CYP2U1: variants seen among roughly 807,000 people sequenced by gnomAD.
CYP2U1 encodes the protein cytochrome P450 family 2 subfamily U member 1, also known as cytochrome P450 2U1.
In CYP2U1, 28 loss-of-function variants were observed where a neutral mutation model predicts 42.8. The observed-to-expected ratio is 0.65, with a 90% CI of 0.48 to 0.90. CYP2U1 has a LOEUF of 0.90. CYP2U1 is among the 40% of genes least tolerant of loss of function. CYP2U1 has a pLI of 0.00. For synonymous variants in CYP2U1, 296 were observed against 278.9 expected (o/e 1.06, Z -0.61); for missense variants, 642 against 693.8 (o/e 0.93, Z 0.84).
At chr4:107,947,609 G>A in intron 3 of CYP2U1, 72 bp downstream of exon 3, 2 of 1,482,694 alleles carry the variant, frequency 1.3e-6, no homozygotes, top group Non-Finnish European at 1.9e-6. Context: ...TAGTTGAGGT[G>A]AGGGGTGTGG....
At position 107,932,273 on chromosome 4, in the gene CYP2U1, A is replaced by G. The variant is rs372970716; in HGVS notation, c.490+140A>G. ...CACCTGCATCCTGAACTAACAGGTG[A>G]TGGTGGTGGCGGCGCTTCTCCTTTC... On this transcript the variant is annotated intron_variant, in intron 1 of 4. Transcript: ENST00000332884. 243 of 1,385,274 alleles carry G rather than the reference A, an allele frequency of 1.8e-4. 4 individuals are homozygous for G. The African/African-American group carries it at 3.3e-3, about 19-fold the overall frequency. 85.8% of individuals were successfully genotyped at this position (1,385,274 alleles called of 1,614,324 possible). A position where few individuals can be genotyped will look rare whatever the true frequency, so the allele number is the denominator to read the frequency against.
At chr4:107,947,684 G>C in intron 3 of CYP2U1, 147 bp downstream of exon 3, 1 of 808,594 alleles carries the variant, frequency 1.2e-6, no homozygotes, top group Non-Finnish European at 1.9e-6. Context: ...AAAATGTCTA[G>C]GGAATGTTCA....
Position 107,952,268 on chromosome 4 carries a change from A to T in CYP2U1, c.*1845A>T, listed in dbSNP as rs540608813. 14 of 152,360 alleles carry T rather than the reference A, an allele frequency of 9.2e-5. No individual in the cohort carries two copies. The highest frequency in any genetic ancestry group is 2.0e-4 in the Admixed American group (3 of 15,306). The allele number at this position is 152,360 out of a possible 1,614,324, so 9.4% of individuals were successfully genotyped here. A position where few individuals can be genotyped will look rare whatever the true frequency, so the allele number is the denominator to read the frequency against. On this transcript the variant is annotated 3_prime_UTR_variant, in exon 5 of 5. Transcript: ENST00000332884. ...TTAATGTCCATTAAAGCCAGTTTTT[A>T]AAAAAATCACTGGACTTTTGTGTTT...
At chr4:107,947,316 A>G (rs1733728748) in intron 2 of CYP2U1, 60 bp from the exon 3 acceptor site, 2 of 1,483,732 alleles carry the variant, frequency 1.3e-6, no homozygotes, top group African/African-American at 2.8e-5. Context: ...TATGCAGAGG[A>G]GGGCACGTTC....
intron 1 of CYP2U1, chr4:107,936,334 A>G (rs1000680665): frequency 1.3e-5 from 2 of 152,270 alleles, no homozygotes; most frequent in African/African-American, 4.8e-5. Context: ...AGAGATGGGA[A>G]CTTAAAAGAT....
In CYP2U1 at chr4:107,945,178, C is replaced by T; in HGVS notation, c.699C>T (p.Cys233=). 6.2e-7 allele frequency: 1 copy of T among 1,614,012 alleles called. No individual in the cohort carries two copies. Among genetic ancestry groups the T allele is most frequent in the Non-Finnish European group, 8.5e-7 (1 of 1,179,994 alleles). The part of the protein sequence containing the change: ...IISNAVSNII[C]SLCFGQRFDY... ...GCAATGCCGTCTCTAACATCATTTG[C>T]TCCTTGTGCTTTGGCCAGCGCTTTG... The change falls in exon 2 of 5, where the codon TGC becomes TGT. Residue 233 remains cysteine, a synonymous_variant. Coordinates refer to ENST00000332884, the MANE Select transcript of CYP2U1 (RefSeq NM_183075.3).
intron 3 of CYP2U1, among the ~76,000 whole-genome samples, chr4:107,948,608 A>G (rs28516084): frequency 0.17 from 26,183 of 152,030 alleles, 2,465 homozygotes; most frequent in Non-Finnish European, 0.21. Context: ...CATCATCATC[A>G]TCATAGTTAG....
At chr4:107,946,877 AGAG>A (rs1327971492) in intron 2 of CYP2U1, among the ~76,000 whole-genome samples, 1 of 145,476 alleles carries the variant, frequency 6.9e-6, no homozygotes, top group African/African-American at 2.5e-5. Context: ...GCAACCTGAG[AGAG>A]GAGAGAGTGG....
intron 1 of CYP2U1, among the ~76,000 whole-genome samples, chr4:107,941,673 T>C (rs1181323466): frequency 6.6e-6 from 1 of 151,988 alleles, no homozygotes; most frequent in Admixed American, 6.6e-5. Flanking sequence ...ACTTGTGAAC[T>C]GCAGCTAGAG....
rs201522248 is a variant in CYP2U1, at chr4:107,944,841, T to TAC, written c.491-128_491-127insCA. 0.22 allele frequency: 31,407 copies of TAC among 143,206 alleles called. 7,154 individuals are homozygous for TAC. The highest frequency in any genetic ancestry group is 0.27 in the Non-Finnish European group (20,598 of 76,986). 8.9% of individuals were successfully genotyped at this position (143,206 alleles called of 1,614,324 possible). A position where few individuals can be genotyped will look rare whatever the true frequency, so the allele number is the denominator to read the frequency against. ...TTGACTAGTGGTCTTTATATATACATATATATATATTTATATGAGGAATTT... is the reference window on the plus strand; with the variant it reads ...TTGACTAGTGGTCTTTATATATACATACATATATATATTTATATGAGGAATTT... On this transcript the variant is annotated intron_variant, in intron 1 of 4. Coordinates refer to ENST00000332884, the MANE Select transcript of CYP2U1 (RefSeq NM_183075.3).
At chr4:107,948,396 T>G (rs1436285492) in intron 3 of CYP2U1, among the ~76,000 whole-genome samples, 1 of 145,684 alleles carries the variant, frequency 6.9e-6, no homozygotes, top group Non-Finnish European at 1.5e-5. Context: ...AAAACCCATC[T>G]CTACTAAAAA....
intron 3 of CYP2U1, among the ~76,000 whole-genome samples, chr4:107,948,523 C>T (rs1299570020): frequency 6.6e-6 from 1 of 151,970 alleles, no homozygotes; most frequent in Admixed American, 6.6e-5. Flanking sequence ...GCCAAGATTG[C>T]ACCACTGCAC....
chr4:107,932,692 G>T (rs9995856), intron 1 of CYP2U1, among the ~76,000 whole-genome samples: 67 of 152,160 alleles, frequency 4.4e-4, no homozygotes, highest in Middle Eastern at 6.8e-3. Context: ...GTTGGAAAAC[G>T]TGTTATCTGC....
At chr4:107,936,417 G>A (rs1314220812) in intron 1 of CYP2U1, 2 of 152,384 alleles carry the variant, frequency 1.3e-5, no homozygotes, top group African/African-American at 4.8e-5. Context: ...AGTTATTGTG[G>A]GAGTGGGTTT....
chr4:107,946,847 G>A (rs1254876579), intron 2 of CYP2U1, among the ~76,000 whole-genome samples: 1 of 151,424 alleles, frequency 6.6e-6, no homozygotes, highest in Admixed American at 6.6e-5. Flanking sequence ...TCACTTGGTG[G>A]CTTCCTTCCC....
rs369211359 is a variant in CYP2U1 at position 107,945,294 on chromosome 4, T to A, written c.815T>A (p.Ile272Lys). The change falls in exon 2 of 5, where the codon ATA (isoleucine) becomes AAA (lysine). Residue 272 changes from isoleucine to lysine, a missense_variant. Coordinates refer to ENST00000332884, the MANE Select transcript of CYP2U1 (RefSeq NM_183075.3). ...CLNSQVLLVN[I>K]CPWLYYLPFG... ...AACAGTCAAGTCCTCCTGGTCAACATATGCCCTTGGCTTTATTACCTTCCC... is the reference window on the plus strand; with the variant it reads ...AACAGTCAAGTCCTCCTGGTCAACAAATGCCCTTGGCTTTATTACCTTCCC... The A allele has an allele frequency of 3.7e-6, 6 of 1,614,012 alleles. No homozygotes were observed. In the African/African-American group the frequency reaches 8.0e-5, roughly 22 times the overall value.
At chr4:107,933,622 C>T (rs777449898) in intron 1 of CYP2U1, among the ~76,000 whole-genome samples, 5 of 152,156 alleles carry the variant, frequency 3.3e-5, no homozygotes, top group Non-Finnish European at 7.4e-5. Flanking sequence ...ACAATCATCC[C>T]TCCTTATCTG....
chr4:107,946,125 A>T (rs1342153743), intron 2 of CYP2U1, among the ~76,000 whole-genome samples: 1 of 152,214 alleles, frequency 6.6e-6, no homozygotes, highest in African/African-American at 2.4e-5. Context: ...TTAAAACAAC[A>T]CAAGTTTCTT....
At chr4:107,937,797 G>A (rs1733329138) in intron 1 of CYP2U1, 4 of 152,062 alleles carry the variant, frequency 2.6e-5, no homozygotes, top group Non-Finnish European at 5.9e-5. Flanking sequence ...GAGCCACCGT[G>A]CCTGGCCCAT....
Sources: allele counts gnomAD v4.1 joint callset (sites outside exome capture counted in the v4.1 genomes callset), GRCh38; gene constraint gnomAD v4.1.1; transcripts MANE v1.5; gene names NCBI Gene and HGNC (gene_info 2026-07-23, HGNC 2026-07-21).